Variants in GPHN observed in about 807,000 individuals in gnomAD.
The protein encoded by GPHN is gephyrin.
In GPHN, 17 loss-of-function variants were observed where a neutral mutation model predicts 95.5. The ratio of observed to expected loss-of-function variants is 0.18; its 90% CI spans 0.12 to 0.27. GPHN has a LOEUF of 0.27. Ranked by LOEUF, GPHN falls within the 10% of genes least tolerant of loss-of-function variation. The pLI, the probability that GPHN is intolerant of heterozygous loss-of-function variation, is 1.00. For missense variants in GPHN, 660 were observed against 978.1 expected (o/e 0.67, Z 4.34); for synonymous variants, 320 against 322.5 (o/e 0.99, Z 0.08).
intron 9 of GPHN, among the ~76,000 whole-genome samples, chr14:67,015,798 G>A (rs756522765): frequency 6.6e-6 from 1 of 152,140 alleles, no homozygotes; most frequent in African/African-American, 2.4e-5. Context: ...ACATACACAC[G>A]TGTGTCTGTT....
At chr14:67,381,714 C>T in the GPHN span, 1 of 1,541,842 alleles carries the variant, frequency 6.5e-7, no homozygotes, top group Non-Finnish European at 8.9e-7. Flanking sequence ...TGTCTCCCTC[C>T]CTGCTGAAAT....
At chr14:66,699,321 G>A (rs2068345985) in intron 2 of GPHN, among the ~76,000 whole-genome samples, 1 of 151,534 alleles carries the variant, frequency 6.6e-6, no homozygotes, top group Non-Finnish European at 1.5e-5. Context: ...TGCACATTGT[G>A]CACATGTACC....
chr14:66,856,863 T>G (rs946756336), intron 4 of GPHN, among the ~76,000 whole-genome samples: 1 of 152,144 alleles, frequency 6.6e-6, no homozygotes, highest in Non-Finnish European at 1.5e-5. Context: ...CAAAAGATTA[T>G]ATGGTCATCT....
the GPHN span, among the ~76,000 whole-genome samples, chr14:67,685,450 GC>G: frequency 6.6e-6 from 1 of 152,136 alleles, no homozygotes; most frequent in African/African-American, 2.4e-5. Flanking sequence ...AATCAGCAGA[GC>G]CAAGACTCAT....
the GPHN span, chr14:67,385,988 G>A: frequency 6.6e-6 from 1 of 152,074 alleles, no homozygotes; most frequent in Non-Finnish European, 1.5e-5. Flanking sequence ...ACCTTGCCGA[G>A]ACTTGTTCAC....
chr14:67,056,813 G>GT (rs1398896239), intron 10 of GPHN, among the ~76,000 whole-genome samples: 55 of 128,548 alleles, frequency 4.3e-4, no homozygotes, highest in Non-Finnish European at 1.9e-4. Flanking sequence ...AGTGGGGGTG[G>GT]GGGGGGGTCA....
intron 1 of GPHN, among the ~76,000 whole-genome samples, chr14:66,655,624 AT>A (rs1368322296): frequency 6.7e-6 from 1 of 148,672 alleles, no homozygotes; most frequent in Non-Finnish European, 1.5e-5. Flanking sequence ...GCTAAATATT[AT>A]TTACTTCATT....
intron 2 of GPHN, among the ~76,000 whole-genome samples, chr14:66,711,503 G>A (rs10142264): frequency 0.31 from 47,151 of 151,564 alleles, 11,155 homozygotes; most frequent in African/African-American, 0.64. Flanking sequence ...ATAAACATGC[G>A]TGTCCAAGTG....
At chr14:67,156,310 T>C (rs753423751) in intron 18 of GPHN, among the ~76,000 whole-genome samples, 1 of 152,034 alleles carries the variant, frequency 6.6e-6, no homozygotes, top group Non-Finnish European at 1.5e-5. Context: ...ATACTTAAAA[T>C]ATAAACATAT....
intron 4 of GPHN, among the ~76,000 whole-genome samples, chr14:66,863,490 C>G (rs951127863): frequency 1.3e-5 from 2 of 151,960 alleles, no homozygotes; most frequent in African/African-American, 2.4e-5. Context: ...TCAGGAACCG[C>G]AAAAGACCCA....
chr14:67,270,965 G>A, the GPHN span: 2 of 152,190 alleles, frequency 1.3e-5, no homozygotes, highest in African/African-American at 4.8e-5. Context: ...AGAAAGATGG[G>A]ATAGACACAA....
At chr14:67,009,092 G>A (rs1199224341) in intron 9 of GPHN, among the ~76,000 whole-genome samples, 1 of 151,910 alleles carries the variant, frequency 6.6e-6, no homozygotes, top group African/African-American at 2.4e-5. Flanking sequence ...TTTTTCTTGT[G>A]CTTCTTTTCC....
At chr14:67,140,087 T>C (rs563515381) in intron 17 of GPHN, among the ~76,000 whole-genome samples, 1 of 151,696 alleles carries the variant, frequency 6.6e-6, no homozygotes, top group African/African-American at 2.4e-5. Flanking sequence ...CCAGATAACA[T>C]GAAAATAATG....
At chr14:67,423,369 C>A in the GPHN span, among the ~76,000 whole-genome samples, 2 of 152,154 alleles carry the variant, frequency 1.3e-5, no homozygotes, top group Non-Finnish European at 2.9e-5. Context: ...CCCTCCACAG[C>A]CAGCTTCTTC....
At chr14:67,684,131 G>C in the GPHN span, among the ~76,000 whole-genome samples, 1 of 151,666 alleles carries the variant, frequency 6.6e-6, no homozygotes, top group African/African-American at 2.4e-5. Flanking sequence ...AGTTGCTAAA[G>C]CACAGACCAG....
the GPHN span, among the ~76,000 whole-genome samples, chr14:67,211,697 A>C: frequency 6.6e-6 from 1 of 152,176 alleles, no homozygotes; most frequent in Admixed American, 6.5e-5. Flanking sequence ...TGGAAGCTAC[A>C]GTGGGAGTAC....
At chr14:66,683,349 T>C (rs1318571639) in intron 2 of GPHN, among the ~76,000 whole-genome samples, 3 of 91,714 alleles carry the variant, frequency 3.3e-5, no homozygotes, top group African/African-American at 7.3e-5. Flanking sequence ...TATATATATA[T>C]ATATATATAT....
intron 17 of GPHN, among the ~76,000 whole-genome samples, chr14:67,128,795 C>A (rs1045752049): frequency 6.7e-6 from 1 of 149,146 alleles, no homozygotes; most frequent in African/African-American, 2.5e-5. Flanking sequence ...ATTAGCCGGG[C>A]GTGGCGGTGG....
chr14:67,454,812 T>C, the GPHN span: 17 of 151,660 alleles, frequency 1.1e-4, no homozygotes, highest in Admixed American at 1.0e-3. Context: ...AAGAGTCCTC[T>C]GGAAGAGGTG....
Sources: allele counts gnomAD v4.1 joint callset (sites outside exome capture counted in the v4.1 genomes callset), GRCh38; gene constraint gnomAD v4.1.1; transcripts MANE v1.5; gene names NCBI Gene and HGNC (gene_info 2026-07-23, HGNC 2026-07-21).